The following FHIT variants were observed in gnomAD, a reference collection of about 807,000 sequenced individuals.
The protein encoded by FHIT is fragile histidine triad diadenosine triphosphatase, also known as bis(5'-adenosyl)-triphosphatase.
FHIT carries 19 observed loss-of-function variants against 17.9 expected under a neutral mutation model. The observed-to-expected ratio is 1.06, with a 90% CI of 0.74 to 1.56. The LOEUF (loss-of-function observed/expected upper bound fraction) is 1.56. FHIT is among the 40% of genes most tolerant of loss of function. The probability of loss-of-function intolerance (pLI) is 0.00; values close to 1 mark genes in which losing one functional copy is unlikely to be tolerated. For synonymous variants in FHIT, 81 were observed against 69.7 expected, an observed-to-expected ratio of 1.16 and a Z score of -0.81; for missense variants, 248 against 189.2, an observed-to-expected ratio of 1.31 and a Z score of -1.82.
At chr3:59,933,250 G>A (rs995439877) in intron 7 of FHIT, among the ~76,000 whole-genome samples, 1 of 152,034 alleles carries the variant, frequency 6.6e-6, no homozygotes, top group Non-Finnish European at 1.5e-5. Context: ...TCTATAAAGA[G>A]AATACTGACA....
intron 3 of FHIT, among the ~76,000 whole-genome samples, chr3:60,914,609 G>T (rs374703619): frequency 6.6e-6 from 1 of 152,100 alleles, no homozygotes; most frequent in Non-Finnish European, 1.5e-5. Flanking sequence ...CCATGAATGA[G>T]TATCTGCATG....
chr3:60,425,507 A>C (rs1181024451), intron 5 of FHIT, among the ~76,000 whole-genome samples: 3 of 152,088 alleles, frequency 2.0e-5, no homozygotes, highest in Non-Finnish European at 4.4e-5. Flanking sequence ...CTATATAGCC[A>C]ACCTGCACAT....
chr3:60,938,048 A>G (rs561625292), intron 3 of FHIT, among the ~76,000 whole-genome samples: 2 of 152,254 alleles, frequency 1.3e-5, no homozygotes, highest in African/African-American at 2.4e-5. Flanking sequence ...CCATAAATCA[A>G]TGTCATCCAC....
chr3:60,522,639 C>T (rs1453539342), intron 5 of FHIT, among the ~76,000 whole-genome samples: 1 of 152,168 alleles, frequency 6.6e-6, no homozygotes, highest in African/African-American at 2.4e-5. Flanking sequence ...TTTTGAGAAA[C>T]AGCCTCCATG....
At chr3:60,611,044 A>G (rs529758969) in intron 4 of FHIT, among the ~76,000 whole-genome samples, 12 of 152,308 alleles carry the variant, frequency 7.9e-5, no homozygotes, top group African/African-American at 2.6e-4. Context: ...CAACACCATA[A>G]GGCTCTAGCC....
intron 4 of FHIT, among the ~76,000 whole-genome samples, chr3:60,731,194 C>T (rs1425220076): frequency 1.3e-5 from 2 of 152,086 alleles, no homozygotes; most frequent in South Asian, 2.1e-4. Context: ...ACTGGCCGAA[C>T]ATATCTGAGT....
chr3:60,094,815 GAGA>G (rs1393234415), intron 5 of FHIT, among the ~76,000 whole-genome samples: 1 of 91,656 alleles, frequency 1.1e-5, no homozygotes, highest in South Asian at 3.7e-4. Context: ...GAGAGAGAGA[GAGA>G]AGAAGAGAGA....
At chr3:60,130,986 T>C (rs1317040621) in intron 5 of FHIT, among the ~76,000 whole-genome samples, 2 of 133,818 alleles carry the variant, frequency 1.5e-5, no homozygotes, top group African/African-American at 2.9e-5. Context: ...TATATACACA[T>C]ATATACACAT....
rs112402264 is a variant in FHIT at position 60,246,861 on chromosome 3, C to T, written c.104-232709G>A. Among the ~76,000 whole-genome samples the T allele has an allele frequency of 2.8e-3, 423 of 152,166 alleles. 3 individuals carry two copies. Among genetic ancestry groups the T allele is most frequent in the African/African-American group, 9.7e-3 (401 of 41,526 alleles). ...GTTCCTGTTTCTCTTACTGGGTTTT[C>T]AAAATGATTCTCCTAAACAGCTGAT... On this transcript the variant is annotated intron_variant, in intron 5 of 9. Coordinates refer to ENST00000492590, the MANE Select transcript of FHIT (RefSeq NM_002012.4).
chr3:60,176,158 C>T (rs1483649241), intron 5 of FHIT, among the ~76,000 whole-genome samples: 3 of 152,164 alleles, frequency 2.0e-5, no homozygotes, highest in Non-Finnish European at 4.4e-5. Flanking sequence ...TAGAGACCAG[C>T]CTGGCCAACA....
chr3:60,309,260 A>T (rs1050795268), intron 5 of FHIT, among the ~76,000 whole-genome samples: 1 of 152,122 alleles, frequency 6.6e-6, no homozygotes, highest in Non-Finnish European at 1.5e-5. Context: ...CACCAAATAC[A>T]TAAAGTGCTG....
In FHIT at chr3:60,823,803, A is replaced by T. The variant is rs138311569; in HGVS notation, c.-110-1792T>A. Among the ~76,000 whole-genome samples the T allele has an allele frequency of 2.7e-3, 413 of 152,252 alleles. 2 individuals are homozygous for T. Among genetic ancestry groups the T allele is most frequent in the Non-Finnish European group, 3.5e-3 (236 of 68,024 alleles). ...TTTTTGAGCAAGGAGATCAGGAAAGATCTCACTGAAAAGGTAATGTCTCAG... is the reference window on the plus strand; with the variant it reads ...TTTTTGAGCAAGGAGATCAGGAAAGTTCTCACTGAAAAGGTAATGTCTCAG... On this transcript the variant is annotated intron_variant, in intron 3 of 9. Coordinates refer to ENST00000492590, the MANE Select transcript of FHIT (RefSeq NM_002012.4).
chr3:60,964,273 T>C (rs1376491886), intron 3 of FHIT, among the ~76,000 whole-genome samples: 2 of 151,682 alleles, frequency 1.3e-5, no homozygotes, highest in East Asian at 3.9e-4. Flanking sequence ...TTTTTTTTTT[T>C]CCATTTGCTT....
At chr3:59,755,851 G>T (rs189711864) in intron 8 of FHIT, among the ~76,000 whole-genome samples, 2 of 152,312 alleles carry the variant, frequency 1.3e-5, no homozygotes, top group Admixed American at 6.5e-5. Flanking sequence ...AACAGTGATG[G>T]AGGGAAAGAG....
chr3:60,376,945 T>C (rs184619270), intron 5 of FHIT, among the ~76,000 whole-genome samples: 1 of 152,296 alleles, frequency 6.6e-6, no homozygotes, highest in East Asian at 1.9e-4. Flanking sequence ...TACAGTTAGT[T>C]TGTCATTGTT....
chr3:60,732,443 C>T (rs974684545), intron 4 of FHIT: 1 of 733,698 alleles, frequency 1.4e-6, no homozygotes, highest in African/African-American at 1.7e-5. Context: ...TGTGAAGTCA[C>T]CACCCTGACA....
chr3:60,232,760 T>A (rs745842916), intron 5 of FHIT, among the ~76,000 whole-genome samples: 1 of 152,182 alleles, frequency 6.6e-6, no homozygotes, highest in South Asian at 2.1e-4. Context: ...CAAGGAGACC[T>A]GAGTGATCTC....
At chr3:59,960,239 T>TA (rs1286391287) in intron 7 of FHIT, among the ~76,000 whole-genome samples, 2 of 152,184 alleles carry the variant, frequency 1.3e-5, no homozygotes, top group African/African-American at 4.8e-5. Flanking sequence ...ACAGGTCACT[T>TA]AGTTCAGATC....
At chr3:60,797,486 A>G (rs1268719945) in intron 4 of FHIT, among the ~76,000 whole-genome samples, 3 of 105,394 alleles carry the variant, frequency 2.8e-5, no homozygotes, top group Non-Finnish European at 6.7e-5. Flanking sequence ...TAGTAGTAGT[A>G]GTAGTAGTAG....
Sources: allele counts gnomAD v4.1 joint callset (sites outside exome capture counted in the v4.1 genomes callset), GRCh38; gene constraint gnomAD v4.1.1; transcripts MANE v1.5; gene names NCBI Gene and HGNC (gene_info 2026-07-23, HGNC 2026-07-21).